Variants in LYPLAL1 observed in about 807,000 individuals in gnomAD.
The protein encoded by LYPLAL1 is lysophospholipase like 1.
LYPLAL1 carries 23 observed loss-of-function variants against 19.7 expected under a neutral mutation model. That is an observed-to-expected ratio of 1.17 (90% confidence interval 0.84 to 1.65). The LOEUF is 1.65. Among genes scored for constraint, LYPLAL1 ranks in the 40% most tolerant of loss-of-function variants. The pLI, the probability that LYPLAL1 is intolerant of heterozygous loss-of-function variation, is 0.00. For synonymous variants in LYPLAL1, 119 were observed against 96.3 expected (o/e 1.24, Z -1.38); for missense variants, 355 against 279.4 (o/e 1.27, Z -1.93).
At chr1:219,184,997 A>G (rs570258683) in intron 2 of LYPLAL1, among the ~76,000 whole-genome samples, 17 of 151,986 alleles carry the variant, frequency 1.1e-4, no homozygotes, top group East Asian at 1.9e-4. Context: ...TCTTCCTTAA[A>G]TATTTGATAA....
chr1:219,417,084 C>CT, the LYPLAL1 span, among the ~76,000 whole-genome samples: 5 of 152,170 alleles, frequency 3.3e-5, no homozygotes, highest in African/African-American at 9.7e-5. Context: ...AAATATTACT[C>CT]TTTTTTTCCC....
At chr1:219,326,956 G>A in the LYPLAL1 span, among the ~76,000 whole-genome samples, 4 of 152,160 alleles carry the variant, frequency 2.6e-5, no homozygotes, top group Non-Finnish European at 5.9e-5. Context: ...AGCAGGGGCC[G>A]GGCGCAGTGG....
At chr1:219,230,760 T>A in the LYPLAL1 span, among the ~76,000 whole-genome samples, 137 of 152,374 alleles carry the variant, frequency 9.0e-4, no homozygotes, top group Non-Finnish European at 1.6e-3. Flanking sequence ...AAATTCAAAA[T>A]GTTTGTTCAA....
chr1:219,275,728 A>C, the LYPLAL1 span, among the ~76,000 whole-genome samples: 1 of 152,022 alleles, frequency 6.6e-6, no homozygotes. Flanking sequence ...TAAAACTTTA[A>C]TATAGAGTTA....
At chr1:219,393,675 T>C in the LYPLAL1 span, among the ~76,000 whole-genome samples, 1 of 152,030 alleles carries the variant, frequency 6.6e-6, no homozygotes, top group Non-Finnish European at 1.5e-5. Flanking sequence ...GGAAATGAGA[T>C]AGTTGCTTAC....
At chr1:219,402,032 C>G in the LYPLAL1 span, among the ~76,000 whole-genome samples, 1 of 152,018 alleles carries the variant, frequency 6.6e-6, no homozygotes, top group African/African-American at 2.4e-5. Flanking sequence ...GAGAAATGTA[C>G]CCACTGGGTC....
At chr1:219,202,445 T>G (rs1453577864) in intron 3 of LYPLAL1, among the ~76,000 whole-genome samples, 1 of 152,204 alleles carries the variant, frequency 6.6e-6, no homozygotes, top group Non-Finnish European at 1.5e-5. Flanking sequence ...CTTCCCTCTT[T>G]CTTTTTCATT....
At chr1:219,312,328 C>G in the LYPLAL1 span, among the ~76,000 whole-genome samples, 1 of 152,112 alleles carries the variant, frequency 6.6e-6, no homozygotes, top group East Asian at 1.9e-4. Context: ...TCAAGTATTC[C>G]TTTCCCTGTT....
At chr1:219,418,532 G>A in the LYPLAL1 span, among the ~76,000 whole-genome samples, 2 of 152,220 alleles carry the variant, frequency 1.3e-5, no homozygotes, top group South Asian at 4.1e-4. Flanking sequence ...CAAACAGATA[G>A]TACAGAGAGT....
At chr1:219,193,014 A>G in intron 2 of LYPLAL1, 68 bp from the exon 3 acceptor site, 1 of 1,442,660 alleles carries the variant, frequency 6.9e-7, no homozygotes, top group Non-Finnish European at 9.3e-7. Flanking sequence ...TATTTTGGTA[A>G]TTAAAGCATC....
the LYPLAL1 span, among the ~76,000 whole-genome samples, chr1:219,290,166 CAAAT>C: frequency 2.0e-5 from 3 of 152,170 alleles, no homozygotes; most frequent in Non-Finnish European, 4.4e-5. Flanking sequence ...TTTCATGCTG[CAAAT>C]AAATAAGTAA....
chr1:219,381,120 G>A, the LYPLAL1 span, among the ~76,000 whole-genome samples: 1 of 152,166 alleles, frequency 6.6e-6, no homozygotes, highest in Non-Finnish European at 1.5e-5. Flanking sequence ...ATCATGAGAG[G>A]GACCGGGTGG....
At chr1:219,199,565 C>A (rs1047742791) in intron 3 of LYPLAL1, among the ~76,000 whole-genome samples, 3 of 151,864 alleles carry the variant, frequency 2.0e-5, no homozygotes, top group African/African-American at 7.3e-5. Context: ...GTCTCAGCCT[C>A]CCAAGTAGCT....
chr1:219,429,966 G>C, the LYPLAL1 span, among the ~76,000 whole-genome samples: 1 of 152,112 alleles, frequency 6.6e-6, no homozygotes, highest in Non-Finnish European at 1.5e-5. Flanking sequence ...AGATAACTGA[G>C]ATCTAGAGAG....
the LYPLAL1 span, among the ~76,000 whole-genome samples, chr1:219,313,524 A>C: frequency 1.2e-5 from 1 of 84,386 alleles, no homozygotes; most frequent in Admixed American, 1.7e-4. Flanking sequence ...TTCTTTTTAA[A>C]AAAACTTTTT....
chr1:219,380,030 C>T, the LYPLAL1 span, among the ~76,000 whole-genome samples: 34 of 152,160 alleles, frequency 2.2e-4, no homozygotes, highest in African/African-American at 7.7e-4. Context: ...ATGGACACCA[C>T]GAACTGTACC....
intron 2 of LYPLAL1, among the ~76,000 whole-genome samples, chr1:219,183,415 A>G (rs1656456522): frequency 6.6e-6 from 1 of 152,052 alleles, no homozygotes; most frequent in Non-Finnish European, 1.5e-5. Context: ...TGTGGACATA[A>G]GTTCTAACAT....
the LYPLAL1 span, chr1:219,272,248 A>G: frequency 6.6e-6 from 1 of 152,168 alleles, no homozygotes; most frequent in East Asian, 1.9e-4. Context: ...TAAACCAAAC[A>G]CAGATCCACA....
the LYPLAL1 span, among the ~76,000 whole-genome samples, chr1:219,261,333 A>G: frequency 6.6e-6 from 1 of 152,152 alleles, no homozygotes; most frequent in Non-Finnish European, 1.5e-5. Context: ...TGTCTGCTCA[A>G]GATTCGTTAT....
Sources: gnomAD v4.1 joint callset for allele counts (sites outside exome capture counted in the v4.1 genomes callset) on GRCh38, gnomAD v4.1.1 for gene constraint, MANE v1.5 for transcripts, NCBI Gene and HGNC (gene_info 2026-07-23, HGNC 2026-07-21) for gene names.